CDKL3: variants seen among roughly 807,000 people sequenced by gnomAD.
The protein encoded by CDKL3 is cyclin-dependent kinase-like 3.
CDKL3 carries 65 observed loss-of-function variants against 69.3 expected under a neutral mutation model. The observed-to-expected ratio is 0.94, with a 90% confidence interval of 0.77 to 1.15. The LOEUF (loss-of-function observed/expected upper bound fraction) is 1.15. Among genes scored for constraint, CDKL3 ranks in the 50% most tolerant of loss-of-function variants. The probability of loss-of-function intolerance (pLI) is 0.00; values close to 1 mark genes in which losing one functional copy is unlikely to be tolerated. For missense variants in CDKL3, 652 were observed against 689.2 expected, an observed-to-expected ratio of 0.95 and a Z score of 0.61; for synonymous variants, 202 against 221.6, an observed-to-expected ratio of 0.91 and a Z score of 0.79.
chr5:134,368,192 G>C (rs1757883804), upstream of CDKL3, among the ~76,000 whole-genome samples: 1 of 152,130 alleles, frequency 6.6e-6, no homozygotes. Flanking sequence ...GATTTAATTG[G>C]GATAGCGTAA....
At chr5:134,340,439 G>A (rs1218850153) in intron 4 of CDKL3, among the ~76,000 whole-genome samples, 1 of 152,020 alleles carries the variant, frequency 6.6e-6, no homozygotes, top group South Asian at 2.1e-4. Flanking sequence ...CTATTTTTTT[G>A]TAAATCAACA....
Position 134,366,496 on chromosome 5 carries a change from CT to C in CDKL3, c.27del (p.Val10TrpfsTer10). The C allele has an allele frequency of 1.2e-6, 2 of 1,608,232 alleles. No individual in the cohort carries two copies. The highest frequency in any genetic ancestry group is 1.7e-6 in the Non-Finnish European group (2 of 1,177,594). On this transcript the variant is annotated frameshift_variant, in exon 2 of 13. Coordinates refer to ENST00000265334, the MANE Select transcript of CDKL3 (RefSeq NM_001113575.2). LOFTEE classifies it high-confidence loss of function. MEMYETLGKVGEGSYGTVM... is the reference protein window; with the variant it reads MEMYETLGXVGEGSYGTVM... ...ACTGTTCCGTAACTTCCCTCTCCCA[CT>C]TTTCCAAGGGTTTCATACATCTCCA...
chr5:134,329,197 G>A (rs1357541954), intron 4 of CDKL3, among the ~76,000 whole-genome samples: 1 of 152,098 alleles, frequency 6.6e-6, no homozygotes, highest in Non-Finnish European at 1.5e-5. Flanking sequence ...AATTAGGTGG[G>A]TGTGGTGGCA....
chr5:134,315,604 G>A (rs1219263182), intron 6 of CDKL3, among the ~76,000 whole-genome samples: 1 of 152,034 alleles, frequency 6.6e-6, no homozygotes, highest in African/African-American at 2.4e-5. Context: ...AAAGTGCTGG[G>A]ATTACATGCA....
downstream of CDKL3, among the ~76,000 whole-genome samples, chr5:134,283,635 A>C (rs1447126747): frequency 6.6e-6 from 1 of 152,048 alleles, no homozygotes; most frequent in Non-Finnish European, 1.5e-5. Context: ...ACACAGCCAA[A>C]CCATATCATT....
intron 8 of CDKL3, among the ~76,000 whole-genome samples, chr5:134,290,026 C>T (rs1384055299): frequency 6.6e-6 from 1 of 152,028 alleles, no homozygotes; most frequent in African/African-American, 2.4e-5. Flanking sequence ...ATGCATTGTT[C>T]TAAGCATGGA....
chr5:134,295,088 C>T (rs1403063251), downstream of CDKL3, among the ~76,000 whole-genome samples: 2 of 135,564 alleles, frequency 1.5e-5, no homozygotes, highest in Non-Finnish European at 3.0e-5. Flanking sequence ...AATCTCGGTT[C>T]ACTGCAACCT....
rs1232929746 is a variant in CDKL3 at position 134,326,831 on chromosome 5, A to ATGTGTG, written c.540-4929_540-4928insCACACA. ...TATATGTGTGTGTATATATATATATATATATATATATATATATATATATAT... is the reference window on the plus strand; with the variant it reads ...TATATGTGTGTGTATATATATATATATGTGTGTATATATATATATATATATATATAT... On this transcript the variant is annotated intron_variant, in intron 4 of 12. Transcript: ENST00000265334. 3.7e-4 allele frequency among the ~76,000 whole-genome samples: 31 copies of ATGTGTG among 84,050 alleles called. 1 individual carries two copies. The East Asian group carries it at 8.2e-3, about 22-fold the overall frequency. 55.1% of individuals were successfully genotyped at this position (84,050 alleles called of 152,430 possible).
At chr5:134,297,664 C>T (rs1765428326), downstream of CDKL3, among the ~76,000 whole-genome samples, 1 of 151,714 alleles carries the variant, frequency 6.6e-6, no homozygotes, top group Non-Finnish European at 1.5e-5. Flanking sequence ...TCACCACAAC[C>T]TCCGCCTCCC....
chr5:134,350,316 T>G lies in CDKL3; in HGVS notation c.472A>C (p.Thr158Pro). 6.3e-7 allele frequency: 1 copy of G among 1,594,846 alleles called. No individual in the cohort carries two copies. The highest frequency in any genetic ancestry group is 1.3e-5 in the African/African-American group (1 of 74,612). Residue 158 changes from threonine (T) to proline (P), a missense_variant, in exon 4 of 13, where the codon ACG becomes CCG. Physicochemically the swap from Thr to Pro is conservative, Grantham distance 38. Coordinates refer to ENST00000265334, the MANE Select transcript of CDKL3 (RefSeq NM_001113575.2). ...RTLAAPGDIYTDYVATRWYRA... is the reference protein window; with the variant it reads ...RTLAAPGDIYPDYVATRWYRA... ...TACCAGCGTGTGGCCACATAGTCCG[T>G]ATAAATGTCCCCAGGAGCTGCTAGT...
intron 2 of CDKL3, among the ~76,000 whole-genome samples, chr5:134,364,530 T>A (rs1181310282): frequency 6.6e-6 from 1 of 152,106 alleles, no homozygotes; most frequent in Non-Finnish European, 1.5e-5. Flanking sequence ...TTTTTTTTTT[T>A]AGACAAGGTG....
At chr5:134,305,284 A>C (rs945470042) in intron 10 of CDKL3, among the ~76,000 whole-genome samples, 1 of 151,754 alleles carries the variant, frequency 6.6e-6, no homozygotes, top group Non-Finnish European at 1.5e-5. Flanking sequence ...AATTTATTTT[A>C]TTTCATTTTT....
intron 3 of CDKL3, among the ~76,000 whole-genome samples, chr5:134,352,935 CA>C (rs541839938): frequency 2.9e-3 from 440 of 152,222 alleles, no homozygotes; most frequent in African/African-American, 0.01. Flanking sequence ...AATGTAATCC[CA>C]TTTATCTATG....
intron 8 of CDKL3, among the ~76,000 whole-genome samples, chr5:134,290,417 C>T (rs1251615703): frequency 1.4e-5 from 2 of 145,350 alleles, no homozygotes; most frequent in Admixed American, 6.9e-5. Context: ...AGAAAGAAAT[C>T]GTGTAGATGC....
intron 12 of CDKL3, among the ~76,000 whole-genome samples, chr5:134,299,926 C>T (rs1005302992): frequency 2.0e-5 from 3 of 152,172 alleles, no homozygotes; most frequent in African/African-American, 7.2e-5. Flanking sequence ...AAAAGGTGGC[C>T]TTTGTATGGA....
At chr5:134,298,299 T>C, downstream of CDKL3, 1 of 1,021,094 alleles carries the variant, frequency 9.8e-7, no homozygotes, top group East Asian at 9.3e-5. Flanking sequence ...GGCCTGTGTG[T>C]TATAGGAGAT....
chr5:134,325,377 T>C (rs1331932418), intron 4 of CDKL3, among the ~76,000 whole-genome samples: 1 of 152,214 alleles, frequency 6.6e-6, no homozygotes, highest in Non-Finnish European at 1.5e-5. Context: ...CCATAGATGA[T>C]ATAATAGTAA....
chr5:134,305,280 T>C (rs1296927951), intron 10 of CDKL3, among the ~76,000 whole-genome samples: 11 of 151,980 alleles, frequency 7.2e-5, no homozygotes, highest in Non-Finnish European at 5.9e-5. Flanking sequence ...GACTAATTTA[T>C]TTTATTTCAT....
intron 3 of CDKL3, among the ~76,000 whole-genome samples, chr5:134,354,563 AT>A (rs1341374241): frequency 6.6e-6 from 1 of 152,178 alleles, no homozygotes; most frequent in Non-Finnish European, 1.5e-5. Flanking sequence ...AACTACCACA[AT>A]TTTAATTGAG....
Sources: gnomAD v4.1 joint callset for allele counts (sites outside exome capture counted in the v4.1 genomes callset) on GRCh38, gnomAD v4.1.1 for gene constraint, MANE v1.5 for transcripts, NCBI Gene and HGNC (gene_info 2026-07-23, HGNC 2026-07-21) for gene names.